Variants in SYBU observed in about 807,000 individuals in gnomAD.
SYBU encodes GOLSYN A protein.
SYBU carries 21 observed loss-of-function variants against 35.9 expected under a neutral mutation model. The ratio of observed to expected loss-of-function variants is 0.58; its 90% CI spans 0.41 to 0.84. The LOEUF (loss-of-function observed/expected upper bound fraction) is 0.84, where lower values mean the gene tolerates loss of function less well. Among genes scored for constraint, SYBU ranks in the 40% least tolerant of loss-of-function variants. SYBU has a pLI of 0.00. For missense variants in SYBU, 768 were observed against 848.2 expected (o/e 0.91, Z 1.17); for synonymous variants, 319 against 324.3 (o/e 0.98, Z 0.18).
chr8:109,592,654 A>C (rs886437938), intron 3 of SYBU, among the ~76,000 whole-genome samples: 14 of 152,260 alleles, frequency 9.2e-5, no homozygotes, highest in African/African-American at 2.9e-4. Flanking sequence ...AGAGTGAATC[A>C]GAGAAATGAT....
chr8:109,673,668 G>A (rs1348709500), intron 1 of SYBU, among the ~76,000 whole-genome samples: 8 of 152,118 alleles, frequency 5.3e-5, no homozygotes, highest in African/African-American at 1.9e-4. Context: ...GAACAAAACC[G>A]AACAGGGAAT....
chr8:109,609,793 A>G (rs1268630428), intron 3 of SYBU, among the ~76,000 whole-genome samples: 1 of 152,128 alleles, frequency 6.6e-6, no homozygotes, highest in East Asian at 1.9e-4. Flanking sequence ...AAAACACCTA[A>G]AAATCTCATT....
At chr8:109,669,747 A>G (rs573690051) in intron 1 of SYBU, among the ~76,000 whole-genome samples, 42 of 152,366 alleles carry the variant, frequency 2.8e-4, no homozygotes, top group Middle Eastern at 3.4e-3. Context: ...CCATACAATG[A>G]ACATTTATTT....
Position 109,579,875 on chromosome 8 carries a change from G to C in SYBU, c.658C>G (p.Pro220Ala). 6.2e-7 allele frequency: 1 copy of C among 1,614,114 alleles called. No homozygotes were observed. Among genetic ancestry groups the C allele is most frequent in the Non-Finnish European group, 8.5e-7 (1 of 1,180,018 alleles). ...CTTGGGGAAGAAGGTGCATAACTGG[G>C]ATGGATATTGACAGGGCTCAGCTGA... Reference protein sequence around the residue: ...RNQLSPVNIHPSYAPSSPSSS... With the variant: ...RNQLSPVNIHASYAPSSPSSS... The change falls in exon 5 of 7, where the codon CCC becomes GCC. Residue 220 changes from proline (P) to alanine (A), a missense_variant. By Grantham distance (27) the Pro-to-Ala change is conservative (BLOSUM62 -1). Coordinates refer to ENST00000276646, the MANE Select transcript of SYBU (RefSeq NM_001099754.2).
Position 109,575,212 on chromosome 8 carries a change from G to A in SYBU, c.1686C>T (p.Ala562=). 1.2e-6 allele frequency: 2 copies of A among 1,614,172 alleles called. No individual in the cohort carries two copies. Among genetic ancestry groups the A allele is most frequent in the South Asian group, 1.1e-5 (1 of 91,082 alleles). The change falls in exon 7 of 7, where the codon GCC becomes GCT. Residue 562 remains alanine, a synonymous_variant. Transcript: ENST00000276646. ...TTGCATGAACTTCTGCATCCACATT[G>A]GCGTAGGGGGTCTCCACGGGAGACA... ...ILLSPVETPY[A]NVDAEVHANR...
chr8:109,631,505 G>T (rs1167183083), intron 2 of SYBU, among the ~76,000 whole-genome samples: 1 of 152,176 alleles, frequency 6.6e-6, no homozygotes, highest in Non-Finnish European at 1.5e-5. Flanking sequence ...GCCAGGTGAG[G>T]TAAGCTCCAT....
chr8:109,630,005 T>C (rs1161987430), intron 2 of SYBU, among the ~76,000 whole-genome samples: 1 of 152,070 alleles, frequency 6.6e-6, no homozygotes, highest in Non-Finnish European at 1.5e-5. Context: ...TGTTTTTTTC[T>C]TGTAACTTGA....
At chr8:109,674,735 A>C (rs918320944) in intron 1 of SYBU, among the ~76,000 whole-genome samples, 1 of 152,184 alleles carries the variant, frequency 6.6e-6, no homozygotes, top group Admixed American at 6.5e-5. Context: ...AGAGATCAAC[A>C]AGACACAAAA....
At chr8:109,640,848 G>T (rs1378242368) in intron 2 of SYBU, among the ~76,000 whole-genome samples, 3 of 147,836 alleles carry the variant, frequency 2.0e-5, no homozygotes, top group African/African-American at 7.5e-5. Flanking sequence ...AGTAGGCAGT[G>T]CAGAATTTCC....
rs187388127 is a variant in SYBU at position 109,650,925 on chromosome 8, C to A, written c.-129+29786G>T. 2.8e-3 allele frequency among the ~76,000 whole-genome samples: 419 copies of A among 152,318 alleles called. 1 individual carries two copies. The highest frequency in any genetic ancestry group is 3.7e-3 in the Non-Finnish European group (250 of 68,022). On this transcript the variant is annotated intron_variant, in intron 1 of 5. Transcript: ENST00000408889. ...CAATTATCCCTATTCCTTCTGTTAGCAGTTTCATGTATTTACTTTCAGGCT... is the reference window on the plus strand; with the variant it reads ...CAATTATCCCTATTCCTTCTGTTAGAAGTTTCATGTATTTACTTTCAGGCT...
At chr8:109,679,032 C>T (rs189887062) in intron 1 of SYBU, among the ~76,000 whole-genome samples, 29 of 152,170 alleles carry the variant, frequency 1.9e-4, no homozygotes, top group African/African-American at 5.5e-4. Flanking sequence ...AAACAGGATG[C>T]GGTAAAGAAG....
chr8:109,612,754 C>A (rs1811316200), intron 3 of SYBU, among the ~76,000 whole-genome samples: 1 of 152,122 alleles, frequency 6.6e-6, no homozygotes, highest in Admixed American at 6.5e-5. Flanking sequence ...CCAAGGCGGG[C>A]AGATCACCTG....
chr8:109,689,129 TG>T (rs1336691590), intron 1 of SYBU, among the ~76,000 whole-genome samples: 4 of 152,198 alleles, frequency 2.6e-5, no homozygotes, highest in African/African-American at 4.8e-5. Context: ...ACAAAATGAC[TG>T]TAAAAACAGT....
At chr8:109,591,713 C>T (rs1406742993) in intron 3 of SYBU, among the ~76,000 whole-genome samples, 3 of 151,096 alleles carry the variant, frequency 2.0e-5, no homozygotes, top group African/African-American at 7.3e-5. Context: ...GGGGTTTCAC[C>T]GTGTTAGCCA....
At chr8:109,663,927 T>G (rs990878613) in intron 1 of SYBU, among the ~76,000 whole-genome samples, 2 of 152,228 alleles carry the variant, frequency 1.3e-5, no homozygotes, top group Admixed American at 6.5e-5. Flanking sequence ...TTCAGCTTAC[T>G]GTATATGTCC....
At position 109,687,143 on chromosome 8, in the gene SYBU, G is replaced by C. The variant is rs561916111; in HGVS notation, c.-58+4190C>G. ...GAACTATGGCTTACCATAAGAAATA[G>C]AAAAATATTCACTTTATATTTTAAG... On this transcript the variant is annotated intron_variant, in intron 1 of 7. Transcript: ENST00000422135. 4.9e-4 allele frequency among the ~76,000 whole-genome samples: 75 copies of C among 152,106 alleles called. 1 individual carries two copies. The South Asian group carries it at 0.014, about 29-fold the overall frequency.
chr8:109,648,261 TAA>T (rs992370697), upstream of SYBU, among the ~76,000 whole-genome samples: 5 of 140,804 alleles, frequency 3.6e-5, no homozygotes, highest in South Asian at 4.2e-4. Flanking sequence ...ATATATACAA[TAA>T]TATATATATA....
chr8:109,593,360 CTG>C (rs1284252448), intron 3 of SYBU, among the ~76,000 whole-genome samples: 1 of 152,172 alleles, frequency 6.6e-6, no homozygotes, highest in African/African-American at 2.4e-5. Context: ...AAAGTGCACT[CTG>C]AGAGAAGAAT....
At chr8:109,622,181 GTATC>G (rs33965004) in intron 2 of SYBU, among the ~76,000 whole-genome samples, 25,017 of 146,324 alleles carry the variant, frequency 0.17, 2,237 homozygotes, top group East Asian at 0.29. Context: ...AATAATATGA[GTATC>G]TATCTATCTA....
Sources: allele counts gnomAD v4.1 joint callset (sites outside exome capture counted in the v4.1 genomes callset), GRCh38; gene constraint gnomAD v4.1.1; transcripts MANE v1.5; gene names NCBI Gene and HGNC (gene_info 2026-07-23, HGNC 2026-07-21).